C1QTNF9: variants seen among roughly 807,000 people sequenced by gnomAD.
C1QTNF9 encodes the protein C1q and TNF related 9.
Under a neutral mutation model 10.1 loss-of-function variants are expected in C1QTNF9, and 6 were observed. The ratio of observed to expected loss-of-function variants is 0.59; its 90% CI spans 0.32 to 1.17. The LOEUF is 1.17. Among genes scored for constraint, C1QTNF9 ranks in the 50% most tolerant of loss-of-function variants. The probability of loss-of-function intolerance (pLI) is 0.04; values close to 1 mark genes in which losing one functional copy is unlikely to be tolerated. For missense variants in C1QTNF9, 201 were observed against 418.8 expected (o/e 0.48, Z 4.54); for synonymous variants, 98 against 163.5 (o/e 0.60, Z 3.06).
chr13:24,318,981 A>T, intron 3 of C1QTNF9, 101 bp downstream of exon 3: 1 of 1,504,848 alleles, frequency 6.6e-7, no homozygotes, highest in Non-Finnish European at 9.2e-7. Flanking sequence ...CTTACAATAA[A>T]GGCAACACAG....
upstream of C1QTNF9, among the ~76,000 whole-genome samples, chr13:24,308,813 G>A (rs556835700): frequency 7.2e-5 from 11 of 152,314 alleles, no homozygotes; most frequent in Non-Finnish European, 1.2e-4. Flanking sequence ...TCGGGAAACC[G>A]GGCTGGGCTC....
chr13:24,321,514 T>C (rs1251485751), exon 4 of C1QTNF9: 1 of 1,613,490 alleles, frequency 6.2e-7, no homozygotes, highest in Non-Finnish European at 8.5e-7. Context: ...TGGGGTCTAT[T>C]ACTTCACCTA....
chr13:24,320,204 A>C (rs199844036), intron 3 of C1QTNF9, among the ~76,000 whole-genome samples: 10,408 of 150,322 alleles, frequency 0.069, 548 homozygotes, highest in East Asian at 0.25. Flanking sequence ...CTCTGCTCTG[A>C]AGAGTGCTTT....
exon 4 of C1QTNF9, chr13:24,321,794 C>T (rs1815682): frequency 4.6e-6 from 7 of 1,526,964 alleles, no homozygotes; most frequent in Non-Finnish European, 4.4e-6. Context: ...AAATCCGCCA[C>T]ACCATCCATC....
chr13:24,313,641 T>C (rs1412391101), intron 1 of C1QTNF9, among the ~76,000 whole-genome samples: 2 of 152,212 alleles, frequency 1.3e-5, no homozygotes, highest in African/African-American at 4.8e-5. Flanking sequence ...TGCATTAGAC[T>C]GCTCCCTGTG....
At chr13:24,319,079 T>C (rs1238266088) in intron 3 of C1QTNF9, among the ~76,000 whole-genome samples, 199 bp downstream of exon 3, 5 of 151,912 alleles carry the variant, frequency 3.3e-5, no homozygotes, top group Admixed American at 2.0e-4. Flanking sequence ...CCGCAGGCCA[T>C]ACAGATCTGT....
chr13:24,309,283 TTATATATATATATATA>T (rs72150411), upstream of C1QTNF9, among the ~76,000 whole-genome samples: 1 of 68,266 alleles, frequency 1.5e-5, no homozygotes, highest in African/African-American at 4.9e-5. Flanking sequence ...ACTTAAAGTA[TTATATATATATATATA>T]TATATATATG....
chr13:24,318,957 A>C, intron 3 of C1QTNF9, 77 bp downstream of exon 3: 1 of 1,571,054 alleles, frequency 6.4e-7, no homozygotes, highest in Non-Finnish European at 8.8e-7. Context: ...CAAGTCCTCC[A>C]TGCTGATTAT....
chr13:24,316,460 G>A (rs111340680), intron 2 of C1QTNF9, among the ~76,000 whole-genome samples: 23 of 152,094 alleles, frequency 1.5e-4, no homozygotes, highest in African/African-American at 4.6e-4. Context: ...CTCTGACACC[G>A]CAGAACATTT....
chr13:24,313,735 C>CA (rs2138803745), intron 1 of C1QTNF9, among the ~76,000 whole-genome samples: 1 of 152,266 alleles, frequency 6.6e-6, no homozygotes, highest in African/African-American at 2.4e-5. Context: ...TTTGTGTAGG[C>CA]ACTATAAAAA....
intron 1 of C1QTNF9, among the ~76,000 whole-genome samples, chr13:24,309,898 C>CT (rs1174736736): frequency 6.6e-6 from 1 of 151,984 alleles, no homozygotes; most frequent in African/African-American, 2.4e-5. Flanking sequence ...GAATAGTGGG[C>CT]TTTTTTTCTT....
At chr13:24,311,687 CTG>C (rs1368694540) in intron 1 of C1QTNF9, among the ~76,000 whole-genome samples, 1 of 152,220 alleles carries the variant, frequency 6.6e-6, no homozygotes, top group Non-Finnish European at 1.5e-5. Flanking sequence ...GTGGGCTCAG[CTG>C]TGTGTCAAGA....
At chr13:24,310,935 A>G (rs578191429) in intron 1 of C1QTNF9, among the ~76,000 whole-genome samples, 12 of 146,566 alleles carry the variant, frequency 8.2e-5, no homozygotes, top group Non-Finnish European at 1.5e-4. Context: ...AAAAAAAAAG[A>G]TATGTTGAAG....
chr13:24,320,990 A>T lies in C1QTNF9; in HGVS notation c.230-6A>T, dbSNP rs962347855. 6.3e-7 allele frequency: 1 copy of T among 1,584,244 alleles called. No homozygotes were observed. Among genetic ancestry groups the T allele is most frequent in the African/African-American group, 1.4e-5 (1 of 72,848 alleles). ...CTATCTCTTTATTTGCTCTTTCTCT[A>T]TTTAGGAGCAGATGGAAAAGTTGAA... On this transcript the variant is annotated splice_region_variant and splice_polypyrimidine_tract_variant and intron_variant, in intron 3 of 3. Transcript: ENST00000332018.
chr13:24,312,729 G>A (rs28589523), intron 1 of C1QTNF9, among the ~76,000 whole-genome samples: 36,421 of 151,664 alleles, frequency 0.24, 5,026 homozygotes, highest in East Asian at 0.38. Flanking sequence ...GGCCGAGGTG[G>A]GCGAATCACA....
chr13:24,322,518 GT>G (rs1311661702), exon 4 of C1QTNF9: 2 of 152,206 alleles, frequency 1.3e-5, no homozygotes, highest in Non-Finnish European at 2.9e-5. Context: ...CAAACTGGGA[GT>G]CTTTAAACAA....
Position 24,321,381 on chromosome 13 carries a change from T to C in C1QTNF9, c.615T>C (p.Thr205=), listed in dbSNP as rs1354121739. The change falls in exon 4 of 4, where the codon ACT becomes ACC. Residue 205 remains threonine (T), a synonymous_variant. Coordinates refer to ENST00000332018, the Ensembl canonical transcript of C1QTNF9. ...TAGTCTTGCCAAAAAGTGCTTTCAC[T>C]GTGGGGCTCACGGTGCTGAGCAAGT... 1.9e-6 allele frequency: 3 copies of C among 1,604,736 alleles called. No homozygotes were observed. The South Asian group carries it at 3.3e-5, about 18-fold the overall frequency.
chr13:24,315,943 C>G, intron 1 of C1QTNF9, 39 bp from the exon 2 acceptor site: 1 of 1,608,242 alleles, frequency 6.2e-7, no homozygotes, highest in Non-Finnish European at 8.5e-7. Context: ...GCCCCAGCAA[C>G]AAAGATTTCT....
chr13:24,310,741 G>A (rs1407726350), intron 1 of C1QTNF9, among the ~76,000 whole-genome samples: 6 of 151,242 alleles, frequency 4.0e-5, no homozygotes, highest in Admixed American at 2.6e-4. Context: ...GTGAAACCCC[G>A]TCTCTACTAA....
Sources: gnomAD v4.1 joint callset for allele counts (sites outside exome capture counted in the v4.1 genomes callset) on GRCh38, gnomAD v4.1.1 for gene constraint, MANE v1.5 for transcripts, NCBI Gene and HGNC (gene_info 2026-07-23, HGNC 2026-07-21) for gene names.